NRCAM: variants seen among roughly 807,000 people sequenced by gnomAD.
NRCAM encodes the protein NgCAM-related cell adhesion molecule.
In NRCAM, 83 loss-of-function variants were observed where a neutral mutation model predicts 156.5. The observed-to-expected ratio is 0.53, with a 90% CI of 0.44 to 0.64. The LOEUF (loss-of-function observed/expected upper bound fraction) is 0.64, where lower values mean the gene tolerates loss of function less well. Ranked by LOEUF, NRCAM falls within the 30% of genes least tolerant of loss-of-function variation. The pLI, the probability that NRCAM is intolerant of heterozygous loss-of-function variation, is 0.00. For missense variants in NRCAM, 1,417 were observed against 1,597.3 expected (o/e 0.89, Z 1.92); for synonymous variants, 538 against 563.9 (o/e 0.95, Z 0.65).
chr7:108,216,268 T>C (rs1350546053), intron 11 of NRCAM, among the ~76,000 whole-genome samples: 1 of 152,230 alleles, frequency 6.6e-6, no homozygotes, highest in Non-Finnish European at 1.5e-5. Context: ...GTAGGGTTTC[T>C]GCCAAAAGAT....
intron 3 of NRCAM, among the ~76,000 whole-genome samples, chr7:108,307,093 GATAAT>G: frequency 6.6e-6 from 1 of 152,244 alleles, no homozygotes; most frequent in East Asian, 1.9e-4. Context: ...TCTGTCAGAT[GATAAT>G]ATGTCTGTAA....
intron 3 of NRCAM, among the ~76,000 whole-genome samples, chr7:108,243,824 C>G (rs1052380389): frequency 6.6e-6 from 1 of 152,132 alleles, no homozygotes; most frequent in African/African-American, 2.4e-5. Context: ...CGTATGTTAC[C>G]TATAGAACCT....
In NRCAM at chr7:108,174,204, A is replaced by AAAACAC. The variant is rs1268579277; in HGVS notation, c.3187+1112_3187+1117dup. On this transcript the variant is annotated intron_variant, in intron 28 of 32. Transcript: ENST00000379028. ...AATTTTTACAACTTCGTCAAGTCTA[A>AAAACAC]AAACACAAATATAATACTCTTAAGA... Among the ~76,000 whole-genome samples the AAAACAC allele has an allele frequency of 5.9e-5, 9 of 152,234 alleles. 1 individual carries two copies. The highest frequency in any genetic ancestry group is 5.9e-4 in the Admixed American group (9 of 15,290).
chr7:108,213,646 A>C (rs1177470919), intron 11 of NRCAM, among the ~76,000 whole-genome samples: 1 of 152,228 alleles, frequency 6.6e-6, no homozygotes, highest in African/African-American at 2.4e-5. Context: ...ACAAACTTTA[A>C]AGCAACAGCA....
chr7:108,187,268 C>T (rs1366115426), intron 20 of NRCAM, among the ~76,000 whole-genome samples: 2 of 152,224 alleles, frequency 1.3e-5, no homozygotes. Context: ...CCACTCTACA[C>T]ACCCACCACC....
chr7:108,275,090 A>C (rs2097543175), intron 3 of NRCAM, among the ~76,000 whole-genome samples: 1 of 152,190 alleles, frequency 6.6e-6, no homozygotes, highest in South Asian at 2.1e-4. Context: ...GATGAAGCCA[A>C]CTTGCTCGTG....
At chr7:108,331,470 G>C (rs2300024) in intron 2 of NRCAM, among the ~76,000 whole-genome samples, 32,028 of 151,894 alleles carry the variant, frequency 0.21, 3,842 homozygotes, top group East Asian at 0.44. Context: ...CTATGCAAAT[G>C]TTATAGTTCT....
Position 108,429,264 on chromosome 7 carries a change from T to A in NRCAM, c.-332+26979A>T, listed in dbSNP as rs191106424. 7.6e-3 allele frequency among the ~76,000 whole-genome samples: 1,155 copies of A among 152,290 alleles called. 11 individuals carry two copies. Among genetic ancestry groups the A allele is most frequent in the African/African-American group, 0.026 (1,082 of 41,552 alleles). On this transcript the variant is annotated intron_variant, in intron 1 of 32. Transcript: ENST00000379028. The stretch of plus-strand genomic sequence containing the variant: ...TGGAGTGCAATGGCACGATCTTGGC[T>A]CACTGCAACCTCTGCCTCCTGAGTT...
chr7:108,209,457 C>T lies in NRCAM; in HGVS notation c.1039G>A (p.Gly347Arg). The T allele has an allele frequency of 6.2e-7, 1 of 1,608,376 alleles. No homozygotes were observed. Among genetic ancestry groups the T allele is most frequent in the South Asian group, 1.1e-5 (1 of 89,908 alleles). ...ACAGAAATGGTATGGTGGATGGCTC[C>T]TAATGCGTTTTTTGCTATACATTGG... is the stretch of plus-strand genomic sequence containing the variant. The part of the protein sequence containing the change: ...NYQCIAKNAL[G>R]AIHHTISVRV... Residue 347 changes from glycine to arginine, a missense_variant, in exon 12 of 33, where the codon GGA (glycine) becomes AGA (arginine). Physicochemically the swap from Gly to Arg is moderately radical, Grantham distance 125 (BLOSUM62 -2). Transcript: ENST00000379028.
chr7:108,206,866 G>A (rs563746516), intron 13 of NRCAM, among the ~76,000 whole-genome samples: 3 of 152,236 alleles, frequency 2.0e-5, no homozygotes, highest in South Asian at 2.1e-4. Context: ...GTGGAGCATC[G>A]GAGCAGGGAG....
At chr7:108,176,057 G>A (rs1184529169) in intron 27 of NRCAM, among the ~76,000 whole-genome samples, 2 of 152,070 alleles carry the variant, frequency 1.3e-5, no homozygotes, top group Non-Finnish European at 2.9e-5. Flanking sequence ...GTGTATGTCT[G>A]TGTATGCATA....
At chr7:108,245,740 T>C (rs1200002458) in intron 3 of NRCAM, among the ~76,000 whole-genome samples, 1 of 152,068 alleles carries the variant, frequency 6.6e-6, no homozygotes, top group Admixed American at 6.6e-5. Flanking sequence ...ATTTAGAAAA[T>C]TATTAAAAAG....
chr7:108,238,780 T>A (rs2095321064), intron 4 of NRCAM, among the ~76,000 whole-genome samples: 1 of 152,124 alleles, frequency 6.6e-6, no homozygotes, highest in African/African-American at 2.4e-5. Context: ...GAAATTAAGG[T>A]CACTGGATGA....
intron 1 of NRCAM, among the ~76,000 whole-genome samples, chr7:108,431,891 A>G (rs922069086): frequency 6.6e-6 from 1 of 152,246 alleles, no homozygotes. Context: ...AGGGCTATGC[A>G]AGCCAAACCA....
chr7:108,276,150 C>T (rs1263353820), intron 3 of NRCAM, among the ~76,000 whole-genome samples: 2 of 152,108 alleles, frequency 1.3e-5, no homozygotes, highest in Non-Finnish European at 2.9e-5. Context: ...GTTTTACTTC[C>T]AATTACGTGG....
chr7:108,439,411 G>A (rs551678954), intron 1 of NRCAM, among the ~76,000 whole-genome samples: 5 of 152,178 alleles, frequency 3.3e-5, no homozygotes, highest in East Asian at 3.9e-4. Flanking sequence ...AAATGACTCC[G>A]TTCTAAAAAC....
intron 1 of NRCAM, among the ~76,000 whole-genome samples, chr7:108,410,581 A>G (rs1794169311): frequency 6.6e-6 from 1 of 152,214 alleles, no homozygotes; most frequent in African/African-American, 2.4e-5. Flanking sequence ...ATCAATTTTT[A>G]AAGCTCAATC....
In NRCAM at chr7:108,337,968, C is replaced by T. The variant is rs372338591; in HGVS notation, c.-173-25237G>A. Among the ~76,000 whole-genome samples the T allele has an allele frequency of 5.3e-5, 8 of 152,298 alleles. No individual in the cohort carries two copies. The South Asian group carries it at 1.4e-3, about 28-fold the overall frequency. Reference sequence around the variant, plus strand: ...CTGTCGGCCGGTTAAAAACGATTAGCGTGGCCTCCGGACTTAAGACTCAGG... The same window carrying T: ...CTGTCGGCCGGTTAAAAACGATTAGTGTGGCCTCCGGACTTAAGACTCAGG... On this transcript the variant is annotated intron_variant, in intron 2 of 32. Transcript: ENST00000379028.
chr7:108,338,538 TAA>T (rs1436192306), intron 2 of NRCAM, among the ~76,000 whole-genome samples: 1 of 141,974 alleles, frequency 7.0e-6, no homozygotes, highest in Non-Finnish European at 1.6e-5. Flanking sequence ...TGTAAATGGC[TAA>T]GAGAGGAAAG....
Sources: allele counts gnomAD v4.1 joint callset (sites outside exome capture counted in the v4.1 genomes callset), GRCh38; gene constraint gnomAD v4.1.1; transcripts MANE v1.5; gene names NCBI Gene and HGNC (gene_info 2026-07-23, HGNC 2026-07-21).